Variants in PCDHGA2 observed in about 807,000 individuals in gnomAD.
PCDHGA2 encodes the protein protocadherin gamma-A2.
In PCDHGA2, 40 loss-of-function variants were observed where a neutral mutation model predicts 59.2. That is an observed-to-expected ratio of 0.68 (90% CI 0.52 to 0.88). The LOEUF (loss-of-function observed/expected upper bound fraction) is 0.88, where lower values mean the gene tolerates loss of function less well. Among genes scored for constraint, PCDHGA2 ranks in the 40% least tolerant of loss-of-function variants. The pLI, the probability that PCDHGA2 is intolerant of heterozygous loss-of-function variation, is 0.00. For synonymous variants in PCDHGA2, 560 were observed against 526.0 expected (o/e 1.06, Z -0.89); for missense variants, 1,226 against 1,204.0 (o/e 1.02, Z -0.27).
At chr5:141,404,662 T>G (rs1314002801) in intron 1 of PCDHGA2, 1 of 1,614,208 alleles carries the variant, frequency 6.2e-7, no homozygotes, top group East Asian at 2.2e-5. Flanking sequence ...TCCCCACTGA[T>G]GGTTCTACTG....
intron 1 of PCDHGA2, chr5:141,388,621 T>C (rs2091422595): frequency 6.2e-7 from 1 of 1,613,806 alleles, no homozygotes; most frequent in African/African-American, 1.3e-5. Context: ...AGTCAAGACG[T>C]ATACAGGGTG....
intron 2 of PCDHGA2, among the ~76,000 whole-genome samples, chr5:141,496,352 G>A (rs2099768243): frequency 2.0e-5 from 3 of 152,200 alleles, no homozygotes; most frequent in South Asian, 2.1e-4. Context: ...GAGTCTCAGA[G>A]CCCAGGGAGA....
chr5:141,500,114 G>A (rs72790070), intron 2 of PCDHGA2, among the ~76,000 whole-genome samples: 10,550 of 151,670 alleles, frequency 0.07, 640 homozygotes, highest in African/African-American at 0.16. Flanking sequence ...TTGAATCCCT[G>A]CCTTTTCATA....
chr5:141,439,441 T>C (rs2098112892), intron 1 of PCDHGA2, among the ~76,000 whole-genome samples: 2 of 152,348 alleles, frequency 1.3e-5, no homozygotes, highest in South Asian at 4.1e-4. Context: ...GAATATTTTA[T>C]TGCGGGAGCA....
At chr5:141,385,709 A>G (rs2090329249) in intron 1 of PCDHGA2, 1 of 259,144 alleles carries the variant, frequency 3.9e-6, no homozygotes, top group Non-Finnish European at 6.2e-6. Context: ...TAGCATTCAA[A>G]TATGTAAAAG....
In PCDHGA2 at chr5:141,365,249, C is replaced by T. The variant is rs1445885867; in HGVS notation, c.2424+23854C>T. On this transcript the variant is annotated intron_variant, in intron 1 of 3. Coordinates refer to ENST00000394576, the MANE Select transcript of PCDHGA2 (RefSeq NM_018915.4). ...GGGGGAAATCTCAACTCTACAATCACTGGACTATGAAGAATCCAGATTCTA... is the reference window on the plus strand; with the variant it reads ...GGGGGAAATCTCAACTCTACAATCATTGGACTATGAAGAATCCAGATTCTA... The T allele has an allele frequency of 2.5e-6, 4 of 1,613,860 alleles. No individual in the cohort carries two copies. In the East Asian group the frequency reaches 8.9e-5, roughly 36 times the overall value.
In PCDHGA2 at chr5:141,431,777, G is replaced by C. The variant is rs151011884; in HGVS notation, c.2425-63030G>C. 1.2e-6 allele frequency: 2 copies of C among 1,614,188 alleles called. No individual in the cohort carries two copies. The highest frequency in any genetic ancestry group is 4.5e-5 in the East Asian group (2 of 44,870). ...CAAAGTCCTGATCACTGTTCTGGAC[G>C]TGAACGACAATGCCCCAGAAGTGGT... On this transcript the variant is annotated intron_variant, in intron 1 of 3. Coordinates refer to ENST00000394576, the MANE Select transcript of PCDHGA2 (RefSeq NM_018915.4). The surrounding 1 kb of genome is among the most constrained non-coding windows in gnomAD (Gnocchi z 4.8).
rs775575044 is a variant in PCDHGA2, at chr5:141,340,327, C to T, written c.1356C>T (p.Phe452=). The change falls in exon 1 of 4, where the codon TTC becomes TTT. Residue 452 remains phenylalanine, a synonymous_variant. Transcript: ENST00000394576. The part of the protein sequence containing the change: ...VADINDNAPA[F]SRTSYSTYIP... ...ACATCAACGACAACGCACCCGCCTT[C>T]TCCCGCACATCCTACTCCACCTACA... is the stretch of plus-strand genomic sequence containing the variant. 6.2e-7 allele frequency: 1 copy of T among 1,614,210 alleles called. No homozygotes were observed. Among genetic ancestry groups the T allele is most frequent in the East Asian group, 2.2e-5 (1 of 44,882 alleles).
At chr5:141,380,929 C>T (rs1385655578) in intron 1 of PCDHGA2, among the ~76,000 whole-genome samples, 1 of 152,234 alleles carries the variant, frequency 6.6e-6, no homozygotes, top group East Asian at 1.9e-4. Flanking sequence ...AATAATCATA[C>T]ACTTTGCTTG....
Position 141,489,819 on chromosome 5 carries a change from G to T in PCDHGA2, c.2425-4988G>T. On this transcript the variant is annotated intron_variant, in intron 1 of 3. Transcript: ENST00000394576. This position sits in a 1 kb window ranked among gnomAD's most constrained non-coding sequence, Gnocchi z 4.5. ...TAAAAGATGGGAAGCCATTCCCAGA[G>T]CTGGTGCTAGAGCAGCAGCTGGATC... 6.2e-7 allele frequency: 1 copy of T among 1,614,190 alleles called. No homozygotes were observed.
At chr5:141,355,948 AG>A (rs1426923204) in intron 1 of PCDHGA2, 2 of 1,613,792 alleles carry the variant, frequency 1.2e-6, no homozygotes, top group Admixed American at 3.3e-5. Context: ...GTACCACGTA[AG>A]TGTTCGTGAG....
intron 1 of PCDHGA2, chr5:141,365,567 GA>G: frequency 6.2e-7 from 1 of 1,613,698 alleles, no homozygotes; most frequent in Non-Finnish European, 8.5e-7. Flanking sequence ...CCTGGACAGA[GA>G]AGAGACTTCA....
In PCDHGA2 at chr5:141,339,268, C is replaced by G; in HGVS notation, c.297C>G (p.Ser99Arg). ...ACCGGGAGGAGCTCTGCGCTCAGAG[C>G]GCACCCTGTCTGTTGAATTTTAACA... ...RIDREELCAQ[S>R]APCLLNFNIL... Residue 99 changes from serine to arginine, a missense_variant, in exon 1 of 4, where the codon AGC becomes AGG. Coordinates refer to ENST00000394576, the MANE Select transcript of PCDHGA2 (RefSeq NM_018915.4). 7 of 1,614,208 alleles carry G rather than the reference C, an allele frequency of 4.3e-6. No individual in the cohort carries two copies. The highest frequency in any genetic ancestry group is 4.2e-6 in the Non-Finnish European group (5 of 1,180,020).
At chr5:141,351,041 G>A (rs975493173) in intron 1 of PCDHGA2, 6 of 1,614,078 alleles carry the variant, frequency 3.7e-6, no homozygotes, top group East Asian at 2.2e-5. Context: ...CGTGCTGCGG[G>A]TGATGGCCAC....
intron 3 of PCDHGA2, among the ~76,000 whole-genome samples, chr5:141,509,045 GC>G (rs1165443091): frequency 6.6e-6 from 1 of 152,060 alleles, no homozygotes; most frequent in Non-Finnish European, 1.5e-5. Context: ...CCTCTCCCCC[GC>G]CCCCAGAAAG....
At position 141,476,140 on chromosome 5, in the gene PCDHGA2, C is replaced by A. The variant is rs1410430310; in HGVS notation, c.2425-18667C>A. On this transcript the variant is annotated intron_variant, in intron 1 of 3. Coordinates refer to ENST00000394576, the MANE Select transcript of PCDHGA2 (RefSeq NM_018915.4). The surrounding 1 kb of genome is among the most constrained non-coding windows in gnomAD (Gnocchi z 7.6). ...AGATGGTCCCAGAGGCCTGGAGGAG[C>A]GGACTGGTAAGCACCGGGAGGGTAG... 6 of 1,609,222 alleles carry A rather than the reference C, an allele frequency of 3.7e-6. No homozygotes were observed. The highest frequency in any genetic ancestry group is 5.1e-6 in the Non-Finnish European group (6 of 1,178,484).
At chr5:141,400,665 G>C (rs1463001564) in intron 1 of PCDHGA2, 5 of 984,364 alleles carry the variant, frequency 5.1e-6, no homozygotes, top group Non-Finnish European at 7.6e-6. Flanking sequence ...CATTCTTTAA[G>C]AGGAGCAGTA....
chr5:141,466,375 C>A (rs2099121518), intron 1 of PCDHGA2, among the ~76,000 whole-genome samples: 1 of 152,042 alleles, frequency 6.6e-6, no homozygotes, highest in Non-Finnish European at 1.5e-5. Context: ...GGTTTTGGCA[C>A]CCATCTAATG....
At chr5:141,382,929 C>A (rs1163790741) in intron 1 of PCDHGA2, 10 of 1,582,396 alleles carry the variant, frequency 6.3e-6, no homozygotes, top group Non-Finnish European at 8.6e-6. Flanking sequence ...GCGGGGACTA[C>A]AGAGGATTCT....
Sources: allele counts gnomAD v4.1 joint callset (sites outside exome capture counted in the v4.1 genomes callset), GRCh38; gene constraint gnomAD v4.1.1; non-coding constraint Gnocchi (gnomAD v3.1); transcripts MANE v1.5; gene names NCBI Gene and HGNC (gene_info 2026-07-23, HGNC 2026-07-21).